The following PLCXD3 variants were observed in gnomAD, a reference collection of about 807,000 sequenced individuals.
The protein encoded by PLCXD3 is phosphatidylinositol specific phospholipase C X domain containing 3, also known as PI-PLC X domain-containing protein 3.
In PLCXD3, 19 loss-of-function variants were observed where a neutral mutation model predicts 25.5. The ratio of observed to expected loss-of-function variants is 0.75; its 90% confidence interval spans 0.52 to 1.09. The LOEUF (loss-of-function observed/expected upper bound fraction) is 1.09, where lower values mean the gene tolerates loss of function less well. PLCXD3 is among the 50% of genes least tolerant of loss of function. The probability of loss-of-function intolerance (pLI) is 0.00; values close to 1 mark genes in which losing one functional copy is unlikely to be tolerated. For missense variants in PLCXD3, 411 were observed against 388.1 expected, an observed-to-expected ratio of 1.06 and a Z score of -0.50; for synonymous variants, 174 against 137.6, an observed-to-expected ratio of 1.26 and a Z score of -1.85.
chr5:41,313,565 C>T lies in PLCXD3; in HGVS notation c.*52G>A. On this transcript the variant is annotated 3_prime_UTR_variant, in exon 3 of 3. Transcript: ENST00000377801. ...TCAGAGTGTTTACAGATAGTATGCC[C>T]TAATACAATGAGCTTTCTCCATCTT... 6.2e-7 allele frequency: 1 copy of T among 1,603,680 alleles called. No homozygotes were observed. Among genetic ancestry groups the T allele is most frequent in the Non-Finnish European group, 8.5e-7 (1 of 1,171,156 alleles).
intron 1 of PLCXD3, among the ~76,000 whole-genome samples, chr5:41,459,169 T>A (rs1747819820): frequency 6.6e-6 from 1 of 151,950 alleles, no homozygotes; most frequent in Non-Finnish European, 1.5e-5. Context: ...CATCTACATT[T>A]AAGGTTTGAG....
chr5:41,474,546 G>A (rs1222554129), intron 1 of PLCXD3, among the ~76,000 whole-genome samples: 7 of 152,046 alleles, frequency 4.6e-5, no homozygotes, highest in African/African-American at 7.2e-5. Flanking sequence ...CAATTTGTAC[G>A]GTACAGGTGG....
At chr5:41,346,497 C>T (rs1744305880) in intron 2 of PLCXD3, among the ~76,000 whole-genome samples, 1 of 152,090 alleles carries the variant, frequency 6.6e-6, no homozygotes, top group Admixed American at 6.5e-5. Context: ...ACCCACCCTC[C>T]CCTAAACCAA....
chr5:41,493,335 G>C (rs576759787), intron 1 of PLCXD3, among the ~76,000 whole-genome samples: 1 of 152,180 alleles, frequency 6.6e-6, no homozygotes, highest in Non-Finnish European at 1.5e-5. Context: ...GTGTCAGTCT[G>C]CCCCTACTGG....
chr5:41,341,536 T>C (rs1744148112), intron 2 of PLCXD3, among the ~76,000 whole-genome samples: 1 of 152,234 alleles, frequency 6.6e-6, no homozygotes, highest in Non-Finnish European at 1.5e-5. Context: ...TTTTGGATTA[T>C]GTAAATTGGA....
At chr5:41,399,546 C>G (rs1449215330) in intron 1 of PLCXD3, among the ~76,000 whole-genome samples, 2 of 152,064 alleles carry the variant, frequency 1.3e-5, no homozygotes, top group African/African-American at 4.8e-5. Flanking sequence ...CTCCACACTC[C>G]CACATTAAAC....
At chr5:41,332,735 A>G (rs1743858767) in intron 2 of PLCXD3, among the ~76,000 whole-genome samples, 1 of 152,312 alleles carries the variant, frequency 6.6e-6, no homozygotes, top group South Asian at 2.1e-4. Context: ...AAAATGTGGC[A>G]CATATACGCC....
intron 1 of PLCXD3, among the ~76,000 whole-genome samples, chr5:41,432,446 T>G (rs1561271807): frequency 6.6e-6 from 1 of 151,634 alleles, no homozygotes; most frequent in African/African-American, 2.4e-5. Flanking sequence ...TGAAAGTGGA[T>G]GGGGGGATGG....
At chr5:41,358,500 T>G (rs893190018) in intron 2 of PLCXD3, among the ~76,000 whole-genome samples, 3 of 152,204 alleles carry the variant, frequency 2.0e-5, no homozygotes, top group African/African-American at 7.2e-5. Flanking sequence ...GTATCATTCT[T>G]ATGCCTTTGC....
intron 1 of PLCXD3, among the ~76,000 whole-genome samples, chr5:41,403,373 G>T: frequency 1.4e-5 from 1 of 74,046 alleles, no homozygotes. Flanking sequence ...ATACCCATAT[G>T]CCATTTACCC....
chr5:41,408,396 C>T (rs866405892), intron 1 of PLCXD3, among the ~76,000 whole-genome samples: 1 of 152,154 alleles, frequency 6.6e-6, no homozygotes, highest in Non-Finnish European at 1.5e-5. Context: ...CACATACACA[C>T]ATATGCATAT....
intron 1 of PLCXD3, among the ~76,000 whole-genome samples, chr5:41,487,278 T>C (rs1748540584): frequency 6.6e-6 from 1 of 152,186 alleles, no homozygotes; most frequent in Non-Finnish European, 1.5e-5. Flanking sequence ...AGATCATTCC[T>C]TGGCTTGAAT....
intron 1 of PLCXD3, among the ~76,000 whole-genome samples, chr5:41,440,358 G>A (rs557316754): frequency 4.7e-5 from 7 of 149,564 alleles, no homozygotes; most frequent in Admixed American, 1.3e-4. Flanking sequence ...TCAGCCTCCC[G>A]AGTAGTTGGG....
At chr5:41,371,696 T>G (rs151044851) in intron 2 of PLCXD3, among the ~76,000 whole-genome samples, 1 of 152,148 alleles carries the variant, frequency 6.6e-6, no homozygotes, top group African/African-American at 2.4e-5. Flanking sequence ...TTCAACTACA[T>G]GTTTGTGCCT....
At chr5:41,403,401 G>GTTTTTGTTTTTGTT (rs1554047952) in intron 1 of PLCXD3, among the ~76,000 whole-genome samples, 4 of 18,388 alleles carry the variant, frequency 2.2e-4, no homozygotes, top group African/African-American at 5.5e-4. Flanking sequence ...CTTATTTGTT[G>GTTTTTGTTTTTGTT]TTTTTTTTTT....
At chr5:41,432,755 T>G (rs377362149) in intron 1 of PLCXD3, among the ~76,000 whole-genome samples, 37 of 152,128 alleles carry the variant, frequency 2.4e-4, no homozygotes, top group Non-Finnish European at 3.4e-4. Flanking sequence ...AACTAACAGA[T>G]AAAAGAAAAA....
intron 1 of PLCXD3, among the ~76,000 whole-genome samples, chr5:41,388,116 G>A (rs970669461): frequency 4.0e-5 from 6 of 151,272 alleles, no homozygotes; most frequent in Non-Finnish European, 8.9e-5. Flanking sequence ...CTGTGGACTA[G>A]TTGGAAACTA....
At position 41,409,366 on chromosome 5, in the gene PLCXD3, A is replaced by G. The variant is rs536937106; in HGVS notation, c.104-26832T>C. Among the ~76,000 whole-genome samples the G allele has an allele frequency of 1.5e-3, 224 of 152,164 alleles. 2 individuals carry two copies. Among genetic ancestry groups the G allele is most frequent in the African/African-American group, 5.2e-3 (214 of 41,502 alleles). On this transcript the variant is annotated intron_variant, in intron 1 of 2. Coordinates refer to ENST00000377801, the MANE Select transcript of PLCXD3 (RefSeq NM_001005473.3). The stretch of plus-strand genomic sequence containing the variant: ...CTTTTTTGAGCTTATCAAATATACT[A>G]AGCTCATTTCAGCTTAGCCCCTGCA...
intron 1 of PLCXD3, among the ~76,000 whole-genome samples, chr5:41,472,250 C>A (rs913156272): frequency 1.6e-4 from 24 of 152,026 alleles, no homozygotes; most frequent in Non-Finnish European, 3.2e-4. Context: ...GATGCTTCTG[C>A]CATCCCTTAA....
Sources: allele counts gnomAD v4.1 joint callset (sites outside exome capture counted in the v4.1 genomes callset), GRCh38; gene constraint gnomAD v4.1.1; transcripts MANE v1.5; gene names NCBI Gene and HGNC (gene_info 2026-07-23, HGNC 2026-07-21).